Variants in NIBAN1 observed in about 807,000 individuals in gnomAD.
The protein encoded by NIBAN1 is niban apoptosis regulator 1, also known as protein Niban 1.
A neutral mutation model predicts 75.1 loss-of-function variants in NIBAN1; 81 were observed. The observed-to-expected ratio is 1.08, with a 90% confidence interval of 0.90 to 1.30. The LOEUF (loss-of-function observed/expected upper bound fraction) is 1.30. Among genes scored for constraint, NIBAN1 ranks in the 50% most tolerant of loss-of-function variants. The probability of loss-of-function intolerance (pLI) is 0.00; values close to 1 mark genes in which losing one functional copy is unlikely to be tolerated. For synonymous variants in NIBAN1, 436 were observed against 424.8 expected (o/e 1.03, Z -0.32); for missense variants, 1,133 against 1,128.1 (o/e 1.00, Z -0.06).
At chr1:184,957,659 T>C (rs1658524706) in intron 1 of NIBAN1, among the ~76,000 whole-genome samples, 1 of 152,230 alleles carries the variant, frequency 6.6e-6, no homozygotes, top group South Asian at 2.1e-4. Context: ...TCACATTTAT[T>C]ACATTATATT....
Position 184,894,127 on chromosome 1 carries a change from C to T in NIBAN1, c.266G>A (p.Arg89Lys). 1.2e-6 allele frequency: 2 copies of T among 1,612,824 alleles called. No homozygotes were observed. Among genetic ancestry groups the T allele is most frequent in the Non-Finnish European group, 1.7e-6 (2 of 1,179,440 alleles). Residue 89 changes from arginine to lysine, a missense_variant, in exon 3 of 14, where the codon AGA (arginine) becomes AAA (lysine). Transcript: ENST00000367511. Reference protein sequence around the residue: ...FSEDIKKWKERYVVVKNDYAV... With the variant: ...FSEDIKKWKEKYVVVKNDYAV... ...ATAATCATTTTTAACTACAACGTAT[C>T]TCTCCTTCCACTTCTTTATGTCTTC...
chr1:184,911,060 A>AAT (rs1327716853), intron 1 of NIBAN1, among the ~76,000 whole-genome samples: 1 of 145,134 alleles, frequency 6.9e-6, no homozygotes, highest in African/African-American at 2.7e-5. Flanking sequence ...CTTTATAACA[A>AAT]ATACACACAC....
intron 12 of NIBAN1, among the ~76,000 whole-genome samples, chr1:184,801,236 G>T (rs1487182199): frequency 6.6e-6 from 1 of 152,088 alleles, no homozygotes; most frequent in Non-Finnish European, 1.5e-5. Context: ...TGGGACTTTG[G>T]GGCACTGTAG....
At chr1:184,939,126 C>T (rs1489910568) in intron 1 of NIBAN1, among the ~76,000 whole-genome samples, 2 of 152,156 alleles carry the variant, frequency 1.3e-5, no homozygotes, top group Non-Finnish European at 2.9e-5. Context: ...TGCTACTATG[C>T]ACAAATGTAC....
chr1:184,947,435 G>A (rs1000780653), intron 1 of NIBAN1, among the ~76,000 whole-genome samples: 2 of 152,202 alleles, frequency 1.3e-5, no homozygotes. Flanking sequence ...TTATGTTGGC[G>A]ATGATGAAAA....
rs761513716 is a variant in NIBAN1 at position 184,795,915 on chromosome 1, C to G, written c.1849G>C (p.Glu617Gln). 8.1e-6 allele frequency: 13 copies of G among 1,613,986 alleles called. No individual in the cohort carries two copies. Among genetic ancestry groups the G allele is most frequent in the Non-Finnish European group, 1.0e-5 (12 of 1,180,002 alleles). The part of the protein sequence containing the change: ...GVLGSETLSN[E>Q]VFQESEEEKQ... ...TCTTCCTCTGACTCCTGGAATACTTCGTTACTGAGGGTCTCACTACCCAGA... is the reference window on the plus strand; with the variant it reads ...TCTTCCTCTGACTCCTGGAATACTTGGTTACTGAGGGTCTCACTACCCAGA... The change falls in exon 14 of 14, where the codon GAA (glutamate) becomes CAA (glutamine). Residue 617 changes from glutamate to glutamine, a missense_variant. Coordinates refer to ENST00000367511, the MANE Select transcript of NIBAN1 (RefSeq NM_052966.4).
chr1:184,857,630 G>A (rs1475453152), intron 5 of NIBAN1, among the ~76,000 whole-genome samples: 2 of 152,062 alleles, frequency 1.3e-5, no homozygotes, highest in African/African-American at 4.8e-5. Flanking sequence ...TAAAGAATAT[G>A]CAACAAAAAT....
intron 1 of NIBAN1, among the ~76,000 whole-genome samples, chr1:184,971,397 C>T (rs1571615599): frequency 2.6e-5 from 4 of 152,136 alleles, no homozygotes; most frequent in Non-Finnish European, 4.4e-5. Context: ...ATTGGCTGGG[C>T]ACGGTATCTC....
chr1:184,854,652 A>G lies in NIBAN1; in HGVS notation c.602-22690T>C, dbSNP rs564126638. Among the ~76,000 whole-genome samples, 38 of 152,310 alleles carry G rather than the reference A, an allele frequency of 2.5e-4. 1 individual carries two copies. Among genetic ancestry groups the G allele is most frequent in the African/African-American group, 8.9e-4 (37 of 41,572 alleles). On this transcript the variant is annotated intron_variant, in intron 5 of 13. Coordinates refer to ENST00000367511, the MANE Select transcript of NIBAN1 (RefSeq NM_052966.4). Reference sequence around the variant, plus strand: ...GTAGAAAACTGCTAACCAGCAACAGACAGATGAGATCATTTCCAAACAGGA... The same window carrying G: ...GTAGAAAACTGCTAACCAGCAACAGGCAGATGAGATCATTTCCAAACAGGA...
intron 1 of NIBAN1, among the ~76,000 whole-genome samples, chr1:184,932,946 A>G (rs1421753459): frequency 2.6e-5 from 4 of 152,216 alleles, no homozygotes; most frequent in African/African-American, 9.6e-5. Flanking sequence ...ACAGATGGCA[A>G]TTATAATGGT....
intron 5 of NIBAN1, among the ~76,000 whole-genome samples, chr1:184,861,724 A>AAG (rs1655821184): frequency 7.3e-6 from 1 of 137,730 alleles, no homozygotes; most frequent in South Asian, 2.6e-4. Flanking sequence ...GGAAAAGGAG[A>AAG]GAAGGAGAAG....
rs1314295803 is a variant in NIBAN1 at position 184,974,372 on chromosome 1, G to C, written c.-16C>G. On this transcript the variant is annotated 5_prime_UTR_variant, in exon 1 of 14. Transcript: ENST00000367511. Reference sequence around the variant, plus strand: ...AGCCGCCCATGACCGCGAGCTGCCTGTGCTGAGCGCGGAAACTGCCCGGTC... The same window carrying C: ...AGCCGCCCATGACCGCGAGCTGCCTCTGCTGAGCGCGGAAACTGCCCGGTC... The C allele has an allele frequency of 1.3e-6, 2 of 1,549,842 alleles. No individual in the cohort carries two copies. The highest frequency in any genetic ancestry group is 3.8e-5 in the Admixed American group (2 of 52,722).
intron 1 of NIBAN1, among the ~76,000 whole-genome samples, chr1:184,961,339 G>C (rs1477100546): frequency 6.6e-6 from 1 of 152,062 alleles, no homozygotes; most frequent in East Asian, 1.9e-4. Context: ...AAAGTGCTGG[G>C]ATTACAGTAG....
At chr1:184,953,553 T>A (rs1404359707) in intron 1 of NIBAN1, among the ~76,000 whole-genome samples, 1 of 152,260 alleles carries the variant, frequency 6.6e-6, no homozygotes, top group Non-Finnish European at 1.5e-5. Flanking sequence ...AACATATCCC[T>A]GGAGAAATGC....
chr1:184,967,932 G>A (rs182729601), intron 1 of NIBAN1, among the ~76,000 whole-genome samples: 167 of 9,360 alleles, frequency 0.018, 65 homozygotes, highest in East Asian at 0.13. Context: ...GGCCGGGCGC[G>A]GTGGCTCACG....
At chr1:184,955,560 A>G (rs1402016099) in intron 1 of NIBAN1, among the ~76,000 whole-genome samples, 1 of 151,740 alleles carries the variant, frequency 6.6e-6, no homozygotes, top group African/African-American at 2.4e-5. Context: ...GATGGTCTCA[A>G]TCTCCTGACC....
chr1:184,933,538 C>T (rs996501686), intron 1 of NIBAN1, among the ~76,000 whole-genome samples: 5 of 152,198 alleles, frequency 3.3e-5, no homozygotes, highest in African/African-American at 1.2e-4. Flanking sequence ...ATTTACTCCA[C>T]ACCACATCTT....
chr1:184,854,428 G>A (rs978118341), intron 5 of NIBAN1, among the ~76,000 whole-genome samples: 2 of 152,170 alleles, frequency 1.3e-5, no homozygotes, highest in Non-Finnish European at 2.9e-5. Flanking sequence ...TCCCAGGATC[G>A]GAATAATGCA....
intron 9 of NIBAN1, among the ~76,000 whole-genome samples, chr1:184,818,026 G>A (rs530342428): frequency 1.7e-4 from 26 of 152,268 alleles, no homozygotes; most frequent in South Asian, 8.3e-4. Context: ...TGTTCTGACC[G>A]TGAGGCACCC....
Sources: allele counts gnomAD v4.1 joint callset (sites outside exome capture counted in the v4.1 genomes callset), GRCh38; gene constraint gnomAD v4.1.1; transcripts MANE v1.5; gene names NCBI Gene and HGNC (gene_info 2026-07-23, HGNC 2026-07-21).